Variants in UMOD observed in about 807,000 individuals in gnomAD.
UMOD encodes the protein uromodulin.
UMOD carries 64 observed loss-of-function variants against 66.0 expected under a neutral mutation model. The observed-to-expected ratio is 0.97, with a 90% CI of 0.79 to 1.19. The LOEUF is 1.19. Among genes scored for constraint, UMOD ranks in the 50% most tolerant of loss-of-function variants. The pLI is 0.00. For missense variants in UMOD, 764 were observed against 850.9 expected, an observed-to-expected ratio of 0.90 and a Z score of 1.27; for synonymous variants, 398 against 352.7, an observed-to-expected ratio of 1.13 and a Z score of -1.44.
rs568832295 is a variant in UMOD at position 20,336,178 on chromosome 16, G to C, written c.1822+468C>G. ...AGATCAGTGCTTGAGATATTTTGTA[G>C]ACCCTGCACTTAATGGATCACCCAG... is the stretch of plus-strand genomic sequence containing the variant. On this transcript the variant is annotated intron_variant, in intron 9 of 10. Transcript: ENST00000396138. 4.6e-5 allele frequency among the ~76,000 whole-genome samples: 7 copies of C among 152,206 alleles called. No individual in the cohort carries two copies. In the East Asian group the frequency reaches 1.4e-3, roughly 29 times the overall value.
chr16:20,353,548 T>C (rs1414249787), upstream of UMOD, among the ~76,000 whole-genome samples: 1 of 152,232 alleles, frequency 6.6e-6, no homozygotes, highest in Non-Finnish European at 1.5e-5. Flanking sequence ...ATGATTATAT[T>C]CATGGAAGTA....
At chr16:20,350,539 T>C in intron 2 of UMOD, 111 bp downstream of exon 2, 1 of 1,323,804 alleles carries the variant, frequency 7.6e-7, no homozygotes, top group Non-Finnish European at 1.1e-6. Context: ...AAGTCTCAAG[T>C]GCGATAGGAG....
chr16:20,352,543 A>G (rs1965949317), intron 1 of UMOD, 146 bp downstream of exon 1: 1 of 490,476 alleles, frequency 2.0e-6, no homozygotes, highest in Admixed American at 4.4e-5. Flanking sequence ...CTAACTTACT[A>G]AAGATCATGA....
chr16:20,335,618 C>T lies in UMOD; in HGVS notation c.1823-98G>A, dbSNP rs1329277034. The T allele has an allele frequency of 4.0e-6, 5 of 1,248,378 alleles. No individual in the cohort carries two copies. The African/African-American group carries it at 7.4e-5, about 18-fold the overall frequency. The allele number at this position is 1,248,378 out of a possible 1,614,324, so 77.3% of individuals were successfully genotyped here. On this transcript the variant is annotated intron_variant, in intron 9 of 10. Coordinates refer to ENST00000396138, the MANE Select transcript of UMOD (RefSeq NM_003361.4). ...TTCAATCTACTTTTCACTTCGCAGCCAGACTGATCTCTTCAAAACCCAAAT... is the reference window on the plus strand; with the variant it reads ...TTCAATCTACTTTTCACTTCGCAGCTAGACTGATCTCTTCAAAACCCAAAT...
At chr16:20,345,310 G>A (rs1202179590) in intron 5 of UMOD, among the ~76,000 whole-genome samples, 2 of 152,056 alleles carry the variant, frequency 1.3e-5, no homozygotes, top group East Asian at 1.9e-4. Context: ...CACCATGCCC[G>A]GCCAACATTA....
intron 5 of UMOD, among the ~76,000 whole-genome samples, chr16:20,345,502 C>CCCTTCCTTCCTTCCTTCCTT (rs1228147595): frequency 1.5e-4 from 8 of 53,046 alleles, no homozygotes; most frequent in Admixed American, 8.3e-4. Flanking sequence ...CTCCCTCCCT[C>CCCTTCCTTCCTTCCTTCCTT]CCTTCCTTCC....
intron 4 of UMOD, among the ~76,000 whole-genome samples, chr16:20,347,483 A>G (rs2141670654): frequency 6.6e-6 from 1 of 152,320 alleles, no homozygotes; most frequent in East Asian, 1.9e-4. Context: ...GTATTACACA[A>G]CTGCTGAAAT....
chr16:20,344,090 T>C lies in UMOD; in HGVS notation c.1265A>G (p.Asn422Ser), dbSNP rs200835382. 3.1e-6 allele frequency: 5 copies of C among 1,613,758 alleles called. No homozygotes were observed. In the African/African-American group the frequency reaches 5.3e-5, roughly 17 times the overall value. Residue 422 changes from asparagine to serine, a missense_variant, in exon 6 of 11, where the codon AAC becomes AGC. By Grantham distance (46) the Asn-to-Ser change is conservative. Transcript: ENST00000396138. ...IIIRDLNIKI[N>S]FACSYPLDMK... Reference sequence around the variant, plus strand: ...GTCCAGGGGGTAGGAGCATGCAAAGTTGATTTTGATGTTGAGGTCACGGAT... The same window carrying C: ...GTCCAGGGGGTAGGAGCATGCAAAGCTGATTTTGATGTTGAGGTCACGGAT...
rs773046019 is a variant in UMOD at position 20,333,271 on chromosome 16, A to T, written c.*43T>A. The stretch of plus-strand genomic sequence containing the variant: ...CGCATCATGCCCCCTGCCCAGCAGG[A>T]GGTGAGATGGCAGCCATGGAGCACA... On this transcript the variant is annotated 3_prime_UTR_variant, in exon 11 of 11. Coordinates refer to ENST00000396138, the MANE Select transcript of UMOD (RefSeq NM_003361.4). 1.1e-5 allele frequency: 18 copies of T among 1,591,198 alleles called. No homozygotes were observed. Among genetic ancestry groups the T allele is most frequent in the Non-Finnish European group, 1.5e-5 (17 of 1,163,028 alleles).
chr16:20,334,350 G>A (rs1964760490), intron 10 of UMOD, among the ~76,000 whole-genome samples: 2 of 152,122 alleles, frequency 1.3e-5, no homozygotes, highest in Non-Finnish European at 2.9e-5. Context: ...GAGCCTTGGA[G>A]CTTCAGGAAG....
In UMOD at chr16:20,348,245, G is replaced by T. The variant is rs780733403; in HGVS notation, c.951C>A (p.Cys317Ter). The change falls in exon 4 of 11, where the codon TGC becomes TGA. Residue 317 changes from cysteine (C) to a stop codon, truncating the protein, a stop_gained. Coordinates refer to ENST00000396138, the MANE Select transcript of UMOD (RefSeq NM_003361.4). LOFTEE classifies it high-confidence loss of function. Reference sequence around the variant, plus strand: ...CACCAGTGATGTTGAAGTCCTGTTTGCACTGGCAGTGCCATCTGCCATTAT... The same window carrying T: ...CACCAGTGATGTTGAAGTCCTGTTTTCACTGGCAGTGCCATCTGCCATTAT... ...KSNNGRWHCQ[C>*]KQDFNITDIS... 2 of 1,614,006 alleles carry T rather than the reference G, an allele frequency of 1.2e-6. No homozygotes were observed. The highest frequency in any genetic ancestry group is 1.7e-6 in the Non-Finnish European group (2 of 1,179,924).
At chr16:20,334,914 C>T (rs1047269472) in intron 10 of UMOD, among the ~76,000 whole-genome samples, 2 of 151,244 alleles carry the variant, frequency 1.3e-5, no homozygotes, top group African/African-American at 2.4e-5. Context: ...TCACTGCAAC[C>T]TCTGCCCCCC....
At chr16:20,338,507 T>G (rs1219298552) in intron 7 of UMOD, among the ~76,000 whole-genome samples, 4 of 152,234 alleles carry the variant, frequency 2.6e-5, no homozygotes, top group Non-Finnish European at 5.9e-5. Flanking sequence ...TATTTTATTT[T>G]ATTTTTAGAT....
At chr16:20,344,275 T>C (rs1371937255) in intron 5 of UMOD, 103 bp from the exon 6 acceptor site, 2 of 1,204,896 alleles carry the variant, frequency 1.7e-6, no homozygotes, top group African/African-American at 3.0e-5. Context: ...CATGTCTGGC[T>C]ACTTGTGAGC....
chr16:20,339,900 C>T (rs978747002), intron 7 of UMOD, among the ~76,000 whole-genome samples: 15 of 152,192 alleles, frequency 9.9e-5, no homozygotes, highest in Admixed American at 9.8e-4. Flanking sequence ...AGTGAATCAC[C>T]GTCTCATGGT....
rs139047278 is a variant in UMOD at position 20,335,545 on chromosome 16, G to A, written c.1823-25C>T. On this transcript the variant is annotated intron_variant, in intron 9 of 10. Coordinates refer to ENST00000396138, the MANE Select transcript of UMOD (RefSeq NM_003361.4). ...CCTTTGGAGGAAAACAGAAGGATCA[G>A]TGAATAAAGAATGCATGAGATTTGG... is the stretch of plus-strand genomic sequence containing the variant. 8.7e-6 allele frequency: 14 copies of A among 1,612,992 alleles called. No individual in the cohort carries two copies. The African/African-American group carries it at 1.2e-4, about 14-fold the overall frequency.
At chr16:20,352,736 T>C, upstream of UMOD, 11 of 1,231,674 alleles carry the variant, frequency 8.9e-6, no homozygotes, top group Non-Finnish European at 1.1e-5. Flanking sequence ...TGCCTCATAC[T>C]TATATATACA....
intron 1 of UMOD, among the ~76,000 whole-genome samples, chr16:20,352,022 A>T (rs12919841): frequency 2.6e-5 from 3 of 114,224 alleles, no homozygotes; most frequent in African/African-American, 1.3e-4. Context: ...CCCCCCCCCC[A>T]AAAAAAAAAA....
chr16:20,347,372 G>C lies in UMOD; in HGVS notation c.973+851C>G, dbSNP rs1965647593. On this transcript the variant is annotated intron_variant, in intron 4 of 10. Coordinates refer to ENST00000396138, the MANE Select transcript of UMOD (RefSeq NM_003361.4). ...AGCAGGCCTCGGGCTGAGAGTTTGGGGCAGGAAACAACATCCAGCCAGAAT... is the reference window on the plus strand; with the variant it reads ...AGCAGGCCTCGGGCTGAGAGTTTGGCGCAGGAAACAACATCCAGCCAGAAT... 2.6e-5 allele frequency among the ~76,000 whole-genome samples: 4 copies of C among 152,170 alleles called. No homozygotes were observed. The South Asian group carries it at 8.3e-4, about 32-fold the overall frequency.
Sources: allele counts gnomAD v4.1 joint callset (sites outside exome capture counted in the v4.1 genomes callset), GRCh38; gene constraint gnomAD v4.1.1; transcripts MANE v1.5; gene names NCBI Gene and HGNC (gene_info 2026-07-23, HGNC 2026-07-21).